Variants in RAPGEF2 observed in about 807,000 individuals in gnomAD.
RAPGEF2 encodes PDZ domain containing guanine nucleotide exchange factor (GEF) 1.
Under a neutral mutation model 186.7 loss-of-function variants are expected in RAPGEF2, and 54 were observed. The observed-to-expected ratio is 0.29, with a 90% CI of 0.23 to 0.36. The LOEUF (loss-of-function observed/expected upper bound fraction) is 0.36. Ranked by LOEUF, RAPGEF2 falls within the 10% of genes least tolerant of loss-of-function variation. The probability of loss-of-function intolerance (pLI) is 1.00; values close to 1 mark genes in which losing one functional copy is unlikely to be tolerated. For synonymous variants in RAPGEF2, 712 were observed against 705.9 expected (o/e 1.01, Z -0.14); for missense variants, 1,532 against 2,045.0 (o/e 0.75, Z 4.84).
intron 8 of RAPGEF2, among the ~76,000 whole-genome samples, chr4:159,309,305 TTCCTAG>T (rs1763680108): frequency 6.6e-6 from 1 of 152,182 alleles, no homozygotes; most frequent in Non-Finnish European, 1.5e-5. Flanking sequence ...TTTTATTTCC[TTCCTAG>T]ACGCCAATTG....
intron 7 of RAPGEF2, among the ~76,000 whole-genome samples, chr4:159,252,374 TA>T (rs929781854): frequency 2.6e-5 from 4 of 152,094 alleles, no homozygotes; most frequent in Admixed American, 2.0e-4. Context: ...ACTGAACCTT[TA>T]AAAAAAATGT....
chr4:159,268,281 T>C lies in RAPGEF2; in HGVS notation c.543+24490T>C. On this transcript the variant is annotated intron_variant, in intron 7 of 29. Transcript: ENST00000691494. ...ATAGAGAACTGCTTTAAAATGGGAA[T>C]TGTTGCTCTTTCTCTTCAGGGAAAA... The C allele has an allele frequency of 3.0e-6, 4 of 1,317,012 alleles. No homozygotes were observed. In the South Asian group the frequency reaches 4.7e-5, roughly 16 times the overall value. 81.6% of individuals were successfully genotyped at this position (1,317,012 alleles called of 1,614,324 possible). A position where few individuals can be genotyped will look rare whatever the true frequency, so the allele number is the denominator to read the frequency against.
At chr4:159,260,841 C>G (rs1756750410) in intron 7 of RAPGEF2, among the ~76,000 whole-genome samples, 1 of 152,148 alleles carries the variant, frequency 6.6e-6, no homozygotes, top group Admixed American at 6.5e-5. Context: ...CTCCGCCTCC[C>G]AGGTTCAAGT....
At chr4:159,105,942 A>T (rs567879748) in intron 1 of RAPGEF2, among the ~76,000 whole-genome samples, 4 of 152,320 alleles carry the variant, frequency 2.6e-5, no homozygotes, top group African/African-American at 9.6e-5. Flanking sequence ...TAGTTAGAAG[A>T]ATAACAATGA....
intron 2 of RAPGEF2, among the ~76,000 whole-genome samples, chr4:159,191,522 C>T (rs948877165): frequency 1.3e-5 from 2 of 152,122 alleles, no homozygotes; most frequent in Non-Finnish European, 1.5e-5. Context: ...GGACGGATCA[C>T]GAGGTCACAA....
chr4:159,213,384 A>G (rs974207750), intron 4 of RAPGEF2, among the ~76,000 whole-genome samples: 1 of 152,230 alleles, frequency 6.6e-6, no homozygotes, highest in Admixed American at 6.5e-5. Context: ...AGTTTTTATC[A>G]TGTAAGCCTG....
At chr4:159,212,576 T>C (rs975386790) in intron 4 of RAPGEF2, among the ~76,000 whole-genome samples, 9 of 152,222 alleles carry the variant, frequency 5.9e-5, no homozygotes, top group Non-Finnish European at 1.0e-4. Context: ...TGTTGCCTTA[T>C]AATATTAAAA....
In RAPGEF2 at chr4:159,111,334, C is replaced by T. The variant is rs142060429; in HGVS notation, c.69+7103C>T. On this transcript the variant is annotated intron_variant, in intron 1 of 29. Transcript: ENST00000691494. Reference sequence around the variant, plus strand: ...TGTCATTGGAACTAAACTTGTCTTCCGCTGGCTGTTGTTTCTCATTGCTTG... The same window carrying T: ...TGTCATTGGAACTAAACTTGTCTTCTGCTGGCTGTTGTTTCTCATTGCTTG... Among the ~76,000 whole-genome samples, 1,291 of 152,284 alleles carry T rather than the reference C, an allele frequency of 8.5e-3. 23 individuals are homozygous for T. The highest frequency in any genetic ancestry group is 0.03 in the African/African-American group (1,226 of 41,552).
intron 7 of RAPGEF2, among the ~76,000 whole-genome samples, chr4:159,265,958 T>G (rs1757377367): frequency 6.6e-6 from 1 of 152,186 alleles, no homozygotes; most frequent in African/African-American, 2.4e-5. Context: ...GTTCATCATG[T>G]AAGTATTCCA....
intron 11 of RAPGEF2, chr4:159,328,732 C>G (rs1306637561): frequency 6.6e-6 from 1 of 152,118 alleles, no homozygotes; most frequent in Non-Finnish European, 1.5e-5. Context: ...AGGCTGTTTA[C>G]TCATCTGTAC....
At chr4:159,244,040 A>G (rs1270043350) in intron 7 of RAPGEF2, among the ~76,000 whole-genome samples, 1 of 151,952 alleles carries the variant, frequency 6.6e-6, no homozygotes, top group Non-Finnish European at 1.5e-5. Context: ...TTAAAAATGA[A>G]TGGAGCACTT....
intron 4 of RAPGEF2, among the ~76,000 whole-genome samples, chr4:159,227,862 C>T (rs1182478100): frequency 7.9e-5 from 12 of 152,108 alleles, no homozygotes; most frequent in Admixed American, 7.9e-4. Flanking sequence ...ATGGTAATCC[C>T]TCAGGCCAGG....
intron 1 of RAPGEF2, among the ~76,000 whole-genome samples, chr4:159,177,888 CCT>C (rs1252064004): frequency 6.6e-6 from 1 of 152,206 alleles, no homozygotes; most frequent in African/African-American, 2.4e-5. Flanking sequence ...TTTCCAAGTT[CCT>C]CTCTCTGATG....
At chr4:159,192,295 C>T (rs1026333034) in intron 2 of RAPGEF2, among the ~76,000 whole-genome samples, 4 of 151,742 alleles carry the variant, frequency 2.6e-5, no homozygotes, top group African/African-American at 4.8e-5. Flanking sequence ...GGTGGGAACG[C>T]GAAGAACAAG....
At chr4:159,240,414 A>G (rs1273773973) in intron 5 of RAPGEF2, among the ~76,000 whole-genome samples, 4 of 135,134 alleles carry the variant, frequency 3.0e-5, no homozygotes, top group Non-Finnish European at 4.5e-5. Context: ...GCTCACTGCA[A>G]CCTCCACCTC....
chr4:159,292,082 C>T (rs1761299195), intron 7 of RAPGEF2, among the ~76,000 whole-genome samples: 1 of 152,036 alleles, frequency 6.6e-6, no homozygotes, highest in Non-Finnish European at 1.5e-5. Flanking sequence ...ACATTACCAC[C>T]GTTGCTGATA....
intron 9 of RAPGEF2, among the ~76,000 whole-genome samples, chr4:159,315,956 G>A (rs1035754554): frequency 3.3e-5 from 5 of 152,142 alleles, no homozygotes; most frequent in Non-Finnish European, 7.4e-5. Context: ...CACAAGAGGT[G>A]GAGGAGCAGA....
At chr4:159,343,489 G>T in intron 22 of RAPGEF2, 85 bp downstream of exon 22, 1 of 1,543,384 alleles carries the variant, frequency 6.5e-7, no homozygotes, top group South Asian at 1.2e-5. Context: ...TTTAAAGTTT[G>T]AGTATTTATA....
intron 4 of RAPGEF2, 30 bp downstream of exon 4, chr4:159,210,613 T>C (rs896348607): frequency 1.4e-6 from 2 of 1,434,856 alleles, no homozygotes; most frequent in African/African-American, 2.8e-5. Flanking sequence ...TAATAGATTA[T>C]CCATGAAGCT....
Sources: allele counts gnomAD v4.1 joint callset (sites outside exome capture counted in the v4.1 genomes callset), GRCh38; gene constraint gnomAD v4.1.1; transcripts MANE v1.5; gene names NCBI Gene and HGNC (gene_info 2026-07-23, HGNC 2026-07-21).